JAKMIP2: variants seen among roughly 807,000 people sequenced by gnomAD.
JAKMIP2 encodes janus kinase and microtubule-interacting protein 2.
A neutral mutation model predicts 115.0 loss-of-function variants in JAKMIP2; 25 were observed. The observed-to-expected ratio is 0.22, with a 90% CI of 0.16 to 0.30. The LOEUF is 0.30. JAKMIP2 is among the 10% of genes least tolerant of loss of function. The probability of loss-of-function intolerance (pLI) is 1.00; values close to 1 mark genes in which losing one functional copy is unlikely to be tolerated. For missense variants in JAKMIP2, 642 were observed against 957.6 expected (o/e 0.67, Z 4.35); for synonymous variants, 334 against 343.6 (o/e 0.97, Z 0.31).
At chr5:147,775,541 ATCTT>A (rs1223577505) in intron 1 of JAKMIP2, among the ~76,000 whole-genome samples, 1 of 152,232 alleles carries the variant, frequency 6.6e-6, no homozygotes, top group Non-Finnish European at 1.5e-5. Flanking sequence ...AGTGTTCATA[ATCTT>A]TCTTACTTAT....
At chr5:147,628,892 T>C (rs1282867819) in intron 15 of JAKMIP2, 76 bp from the exon 16 acceptor site, 9 of 1,003,028 alleles carry the variant, frequency 9.0e-6, no homozygotes, top group Non-Finnish European at 1.4e-5. Flanking sequence ...TCTGACTGAC[T>C]GCTACAGAGC....
chr5:147,734,511 G>C (rs912002561), intron 1 of JAKMIP2, among the ~76,000 whole-genome samples: 1 of 136,340 alleles, frequency 7.3e-6, no homozygotes, highest in African/African-American at 2.6e-5. Flanking sequence ...AGGGTGGGGG[G>C]GCTAGGGGAG....
At chr5:147,721,710 G>A (rs1035076676) in intron 1 of JAKMIP2, among the ~76,000 whole-genome samples, 2 of 151,952 alleles carry the variant, frequency 1.3e-5, no homozygotes, top group Non-Finnish European at 2.9e-5. Context: ...GCTTCGGCTC[G>A]CGCACGGTGC....
chr5:147,655,291 C>T (rs747775381), intron 3 of JAKMIP2, among the ~76,000 whole-genome samples: 3 of 152,086 alleles, frequency 2.0e-5, no homozygotes, highest in South Asian at 2.1e-4. Context: ...AGCTCCTCTT[C>T]GTACCTCTGG....
chr5:147,602,088 A>G (rs1581267549), intron 20 of JAKMIP2, among the ~76,000 whole-genome samples: 1 of 152,214 alleles, frequency 6.6e-6, no homozygotes, highest in Non-Finnish European at 1.5e-5. Flanking sequence ...ATAAGCACAG[A>G]GCAGTAAATC....
intron 1 of JAKMIP2, among the ~76,000 whole-genome samples, chr5:147,761,556 A>T (rs1754929541): frequency 6.6e-6 from 1 of 152,118 alleles, no homozygotes; most frequent in Admixed American, 6.6e-5. Flanking sequence ...TCTTACAACA[A>T]ACTTACAAGA....
intron 12 of JAKMIP2, among the ~76,000 whole-genome samples, chr5:147,635,067 C>T (rs1273328246): frequency 6.6e-6 from 1 of 152,094 alleles, no homozygotes; most frequent in Non-Finnish European, 1.5e-5. Context: ...ATCCCAGCTA[C>T]TTGGGAGGCT....
At chr5:147,608,813 C>G (rs946714538) in intron 20 of JAKMIP2, among the ~76,000 whole-genome samples, 1 of 152,096 alleles carries the variant, frequency 6.6e-6, no homozygotes, top group Non-Finnish European at 1.5e-5. Flanking sequence ...GAGTCTAAGT[C>G]TCTTTGTAGG....
At chr5:147,612,697 T>C (rs890991759) in intron 19 of JAKMIP2, among the ~76,000 whole-genome samples, 3 of 152,192 alleles carry the variant, frequency 2.0e-5, no homozygotes, top group African/African-American at 7.2e-5. Flanking sequence ...GAGACTTGTT[T>C]TGGCCTGTGG....
intron 1 of JAKMIP2, among the ~76,000 whole-genome samples, chr5:147,680,445 T>C (rs553325819): frequency 6.6e-6 from 1 of 152,208 alleles, no homozygotes; most frequent in Non-Finnish European, 1.5e-5. Flanking sequence ...GTTTCCAATA[T>C]GGCTGTTGCC....
intron 20 of JAKMIP2, among the ~76,000 whole-genome samples, chr5:147,602,538 T>C (rs1428922521): frequency 6.6e-6 from 1 of 152,212 alleles, no homozygotes; most frequent in African/African-American, 2.4e-5. Flanking sequence ...TTCTTCTTAT[T>C]TGAGTCATGG....
chr5:147,613,083 C>G lies in JAKMIP2; in HGVS notation c.2347-712G>C, dbSNP rs532885509. Among the ~76,000 whole-genome samples the G allele has an allele frequency of 2.6e-5, 4 of 152,272 alleles. No individual in the cohort carries two copies. In the South Asian group the frequency reaches 8.3e-4, roughly 32 times the overall value. On this transcript the variant is annotated intron_variant, in intron 19 of 21. Transcript: ENST00000616793. ...CAAGTAATCCTAAAGATGAAAAGTTCCAAGACTGTCTTTGAACTTACCTCT... is the reference window on the plus strand; with the variant it reads ...CAAGTAATCCTAAAGATGAAAAGTTGCAAGACTGTCTTTGAACTTACCTCT...
chr5:147,769,048 T>C (rs1196660642), intron 1 of JAKMIP2, among the ~76,000 whole-genome samples: 1 of 152,102 alleles, frequency 6.6e-6, no homozygotes, highest in African/African-American at 2.4e-5. Context: ...TGTCTTAGTT[T>C]CCTCAAATAC....
At position 147,618,125 on chromosome 5, in the gene JAKMIP2, G is replaced by A; in HGVS notation, c.2143-11C>T. On this transcript the variant is annotated splice_polypyrimidine_tract_variant and intron_variant, in intron 18 of 21. Coordinates refer to ENST00000616793, the MANE Select transcript of JAKMIP2 (RefSeq NM_001270941.2). ...TAGTTCCTGGATTCTCTGGCAAATAGAATTAGAAAAGTCTAACTTTGGAAC... is the reference window on the plus strand; with the variant it reads ...TAGTTCCTGGATTCTCTGGCAAATAAAATTAGAAAAGTCTAACTTTGGAAC... 2 of 1,606,220 alleles carry A rather than the reference G, an allele frequency of 1.2e-6. No homozygotes were observed. The highest frequency in any genetic ancestry group is 8.5e-7 in the Non-Finnish European group (1 of 1,172,890).
intron 1 of JAKMIP2, among the ~76,000 whole-genome samples, chr5:147,757,524 G>A (rs957360029): frequency 8.5e-5 from 13 of 152,066 alleles, no homozygotes; most frequent in Admixed American, 3.9e-4. Flanking sequence ...TGGTTCTGGA[G>A]TCTAATCGTC....
At chr5:147,647,478 A>T (rs1485147908) in intron 5 of JAKMIP2, among the ~76,000 whole-genome samples, 3 of 152,184 alleles carry the variant, frequency 2.0e-5, no homozygotes, top group Non-Finnish European at 4.4e-5. Context: ...GATAAAAAAA[A>T]TCCTAATAGT....
chr5:147,737,907 G>A (rs1020648552), intron 1 of JAKMIP2, among the ~76,000 whole-genome samples: 1 of 152,070 alleles, frequency 6.6e-6, no homozygotes, highest in Non-Finnish European at 1.5e-5. Flanking sequence ...TAAGAGCTTG[G>A]GCTTTGGAGT....
At chr5:147,775,251 T>C (rs547588551) in intron 1 of JAKMIP2, among the ~76,000 whole-genome samples, 1 of 152,184 alleles carries the variant, frequency 6.6e-6, no homozygotes, top group South Asian at 2.1e-4. Context: ...GAAAGCAGGA[T>C]GCTGCCTTAA....
chr5:147,706,608 C>G (rs1297717815), intron 1 of JAKMIP2, among the ~76,000 whole-genome samples: 1 of 152,128 alleles, frequency 6.6e-6, no homozygotes, highest in Non-Finnish European at 1.5e-5. Context: ...CACTAGAAAT[C>G]TTTGTATATT....
Sources: allele counts gnomAD v4.1 joint callset (sites outside exome capture counted in the v4.1 genomes callset), GRCh38; gene constraint gnomAD v4.1.1; transcripts MANE v1.5; gene names NCBI Gene and HGNC (gene_info 2026-07-23, HGNC 2026-07-21).